Variants in CFAP97D2 observed in about 807,000 individuals in gnomAD.
CFAP97D2 encodes the protein uncharacterized protein CFAP97D2.
At chr13:114,201,096 C>G (rs1393819973) in intron 3 of CFAP97D2, among the ~76,000 whole-genome samples, 1 of 152,110 alleles carries the variant, frequency 6.6e-6, no homozygotes, top group East Asian at 1.9e-4. Context: ...TATCAGCAGG[C>G]TTTCATACTC....
chr13:114,189,898 T>C lies in CFAP97D2; in HGVS notation c.91-6498T>C, dbSNP rs111678545. ...TGGCTCGCCCTGTAATCAGAACACT[T>C]TGGGTGGCTGAAGAGGGAGGATCAC... On this transcript the variant is annotated intron_variant, in intron 1 of 4. Coordinates refer to ENST00000646158, the Ensembl canonical transcript of CFAP97D2. This position sits in a 1 kb window ranked among gnomAD's most constrained non-coding sequence, Gnocchi z 4.5. Among the ~76,000 whole-genome samples, 2,434 of 152,164 alleles carry C rather than the reference T, an allele frequency of 0.016. 27 individuals are homozygous for C. The highest frequency in any genetic ancestry group is 0.024 in the Non-Finnish European group (1,665 of 67,994).
chr13:114,206,133 T>G (rs1048718540), intron 3 of CFAP97D2, among the ~76,000 whole-genome samples: 24 of 151,552 alleles, frequency 1.6e-4, no homozygotes, highest in Admixed American at 6.6e-5. Context: ...AGACAAAGTC[T>G]TGCTTTGTTG....
At chr13:114,182,341 TCTC>T (rs1297772233) in intron 1 of CFAP97D2, among the ~76,000 whole-genome samples, 5 of 152,252 alleles carry the variant, frequency 3.3e-5, no homozygotes, top group African/African-American at 1.2e-4. Flanking sequence ...GGGCTGTTTT[TCTC>T]CTATCTCAGA....
chr13:114,190,004 CGGT>C (rs2080863756), intron 1 of CFAP97D2, among the ~76,000 whole-genome samples: 1 of 151,820 alleles, frequency 6.6e-6, no homozygotes, highest in Admixed American at 6.6e-5. Context: ...ATTAGCTAGG[CGGT>C]GGCTCATGTT....
chr13:114,182,291 A>T (rs541975221), intron 1 of CFAP97D2, among the ~76,000 whole-genome samples: 9 of 152,140 alleles, frequency 5.9e-5, no homozygotes, highest in East Asian at 1.9e-4. Flanking sequence ...AAAGAATAAC[A>T]AGGCAGCATT....
At chr13:114,192,409 A>C (rs539381594) in intron 1 of CFAP97D2, among the ~76,000 whole-genome samples, 1 of 152,212 alleles carries the variant, frequency 6.6e-6, no homozygotes, top group Non-Finnish European at 1.5e-5. Context: ...AATCATTTAA[A>C]ATTTTTTTTA....
chr13:114,184,754 T>C (rs1566611067), intron 1 of CFAP97D2, among the ~76,000 whole-genome samples: 1 of 152,156 alleles, frequency 6.6e-6, no homozygotes, highest in Non-Finnish European at 1.5e-5. Context: ...ACAAAAATGG[T>C]GTAGGTCAGT....
chr13:114,216,756 T>C (rs868733275), intron 4 of CFAP97D2, among the ~76,000 whole-genome samples: 24 of 152,368 alleles, frequency 1.6e-4, no homozygotes, highest in South Asian at 1.2e-3. Context: ...AACATACGTG[T>C]GCATGTGTCT....
intron 1 of CFAP97D2, among the ~76,000 whole-genome samples, chr13:114,195,810 G>A (rs2080884059): frequency 6.6e-6 from 1 of 151,860 alleles, no homozygotes; most frequent in African/African-American, 2.4e-5. Flanking sequence ...AGTGGCTCAC[G>A]CCTGTAATCC....
At chr13:114,202,925 G>T (rs895596875) in intron 3 of CFAP97D2, among the ~76,000 whole-genome samples, 1 of 152,168 alleles carries the variant, frequency 6.6e-6, no homozygotes, top group Non-Finnish European at 1.5e-5. Flanking sequence ...AGAGCCTGGG[G>T]TGTCACTCAG....
At position 114,212,372 on chromosome 13, in the gene CFAP97D2, A is replaced by T. The variant is rs2080971027; in HGVS notation, c.480+271A>T. On this transcript the variant is annotated intron_variant, in intron 4 of 4. Transcript: ENST00000646158. ...CTGATTGATTGTAGATTGTGAGAGA[A>T]AGATTTGGTGAAAATAACTTAGCCA... The T allele has an allele frequency of 2.1e-5, 6 of 279,522 alleles. No homozygotes were observed. In the East Asian group the frequency reaches 3.6e-4, roughly 17 times the overall value. 17.3% of individuals were successfully genotyped at this position (279,522 alleles called of 1,614,324 possible). A position where few individuals can be genotyped will look rare whatever the true frequency, so the allele number is the denominator to read the frequency against.
intron 4 of CFAP97D2, among the ~76,000 whole-genome samples, chr13:114,220,962 C>T (rs1352220423): frequency 6.6e-6 from 1 of 152,226 alleles, no homozygotes; most frequent in Non-Finnish European, 1.5e-5. Context: ...AAGTGACTCA[C>T]ACTTGGCTGG....
chr13:114,210,428 G>T (rs1281312048), intron 3 of CFAP97D2, among the ~76,000 whole-genome samples: 1 of 152,148 alleles, frequency 6.6e-6, no homozygotes, highest in Non-Finnish European at 1.5e-5. Flanking sequence ...CTCATAAAAT[G>T]TCAGTTTAGT....
At chr13:114,202,753 G>A (rs1281658019) in intron 3 of CFAP97D2, among the ~76,000 whole-genome samples, 1 of 152,210 alleles carries the variant, frequency 6.6e-6, no homozygotes, top group Non-Finnish European at 1.5e-5. Flanking sequence ...CCCATTTCCT[G>A]TTTGTGGAGT....
rs185969499 is a variant in CFAP97D2 at position 114,195,415 on chromosome 13, G to A, written c.91-981G>A. Among the ~76,000 whole-genome samples the A allele has an allele frequency of 4.5e-4, 68 of 152,246 alleles. 1 individual carries two copies. In the East Asian group the frequency reaches 0.012, roughly 27 times the overall value. On this transcript the variant is annotated intron_variant, in intron 1 of 4. Transcript: ENST00000646158. ...CCTCTGTGCTGTCACCACATTGCACGTGGGTTCAGTCCCCAGCCTGGCTAT... is the reference window on the plus strand; with the variant it reads ...CCTCTGTGCTGTCACCACATTGCACATGGGTTCAGTCCCCAGCCTGGCTAT...
rs2138755026 is a variant in CFAP97D2 at position 114,189,971 on chromosome 13, AT to A, written c.91-6424del. On this transcript the variant is annotated intron_variant, in intron 1 of 4. Coordinates refer to ENST00000646158, the Ensembl canonical transcript of CFAP97D2. This position sits in a 1 kb window ranked among gnomAD's most constrained non-coding sequence, Gnocchi z 4.5. ...AGCTTGAGCAACATAGCAAGACCCC[AT>A]CTTTACAAAAGAATTTTTAAAATTA... Among the ~76,000 whole-genome samples, 1 of 152,090 alleles carries A rather than the reference AT, an allele frequency of 6.6e-6. No individual in the cohort carries two copies. The highest frequency in any genetic ancestry group is 1.5e-5 in the Non-Finnish European group (1 of 67,982).
In CFAP97D2 at chr13:114,207,481, T is replaced by G. The variant is rs2080946342; in HGVS notation, c.291-4431T>G. On this transcript the variant is annotated intron_variant, in intron 3 of 4. Coordinates refer to ENST00000646158, the Ensembl canonical transcript of CFAP97D2. This position sits in a 1 kb window ranked among gnomAD's most constrained non-coding sequence, Gnocchi z 4.9. ...TGACAGATCATCAGGCATTAGATTT[T>G]CATAAGGAACACGCAGCTTAGATCT... 1.3e-5 allele frequency among the ~76,000 whole-genome samples: 2 copies of G among 152,080 alleles called. No individual in the cohort carries two copies. Among genetic ancestry groups the G allele is most frequent in the Admixed American group, 1.3e-4 (2 of 15,256 alleles).
intron 4 of CFAP97D2, chr13:114,214,176 C>T (rs2080983610): frequency 6.6e-6 from 1 of 152,308 alleles, no homozygotes; most frequent in Non-Finnish European, 1.5e-5. Context: ...GGTATTTGTG[C>T]TGATGTCAGC....
chr13:114,214,818 C>G (rs1566616924), intron 4 of CFAP97D2, among the ~76,000 whole-genome samples: 1 of 152,186 alleles, frequency 6.6e-6, no homozygotes. Context: ...GCTCATTTCA[C>G]TCAATAATGT....
Sources: gnomAD v4.1 joint callset for allele counts (sites outside exome capture counted in the v4.1 genomes callset) on GRCh38, gnomAD v4.1.1 for gene constraint, Gnocchi (gnomAD v3.1) non-coding constraint, MANE v1.5 for transcripts, NCBI Gene and HGNC (gene_info 2026-07-23, HGNC 2026-07-21) for gene names.